The following PRKCE variants were observed in gnomAD, a reference collection of about 807,000 sequenced individuals.
PRKCE encodes the protein protein kinase C epsilon.
PRKCE carries 16 observed loss-of-function variants against 85.4 expected under a neutral mutation model. The ratio of observed to expected loss-of-function variants is 0.19; its 90% CI spans 0.13 to 0.28. The LOEUF (loss-of-function observed/expected upper bound fraction) is 0.28, where lower values mean the gene tolerates loss of function less well. Ranked by LOEUF, PRKCE falls within the 10% of genes least tolerant of loss-of-function variation. The pLI is 1.00. For missense variants in PRKCE, 573 were observed against 975.2 expected, an observed-to-expected ratio of 0.59 and a Z score of 5.49; for synonymous variants, 388 against 371.5, an observed-to-expected ratio of 1.04 and a Z score of -0.51.
At chr2:45,970,507 GC>G (rs1458856984) in intron 2 of PRKCE, among the ~76,000 whole-genome samples, 19 of 152,042 alleles carry the variant, frequency 1.2e-4, no homozygotes, top group African/African-American at 3.6e-4. Flanking sequence ...CATCCTGGAT[GC>G]TACATAAATG....
chr2:45,749,334 C>T (rs754377389), intron 1 of PRKCE, among the ~76,000 whole-genome samples: 3 of 152,136 alleles, frequency 2.0e-5, no homozygotes, highest in Non-Finnish European at 2.9e-5. Context: ...GTAGTGCAGC[C>T]CATAGCTGAG....
intron 2 of PRKCE, among the ~76,000 whole-genome samples, chr2:45,881,910 G>A (rs1431826574): frequency 1.3e-5 from 2 of 152,174 alleles, no homozygotes. Flanking sequence ...GACCCCTGGA[G>A]CATGTGGAGC....
intron 11 of PRKCE, among the ~76,000 whole-genome samples, chr2:46,089,584 C>T (rs1479318980): frequency 6.6e-6 from 1 of 152,198 alleles, no homozygotes; most frequent in Non-Finnish European, 1.5e-5. Flanking sequence ...GGGAACCAGA[C>T]CCCTTCACGC....
intron 1 of PRKCE, among the ~76,000 whole-genome samples, chr2:45,840,223 G>C (rs1691236423): frequency 6.6e-6 from 1 of 152,206 alleles, no homozygotes; most frequent in South Asian, 2.1e-4. Flanking sequence ...GGGTTTAATA[G>C]GGATGATCTA....
At chr2:45,783,297 T>C (rs1686340658) in intron 1 of PRKCE, among the ~76,000 whole-genome samples, 1 of 152,242 alleles carries the variant, frequency 6.6e-6, no homozygotes, top group African/African-American at 2.4e-5. Context: ...GCCGGTGCTC[T>C]GGGCATCATC....
At chr2:46,175,645 A>T (rs1415274789) in intron 14 of PRKCE, among the ~76,000 whole-genome samples, 1 of 152,256 alleles carries the variant, frequency 6.6e-6, no homozygotes, top group East Asian at 1.9e-4. Context: ...GCTGTAGAGC[A>T]TGAAGGCTAA....
intron 2 of PRKCE, among the ~76,000 whole-genome samples, chr2:45,943,549 T>C (rs1203515959): frequency 6.6e-6 from 1 of 152,260 alleles, no homozygotes; most frequent in East Asian, 1.9e-4. Flanking sequence ...AGACTCAAAA[T>C]GGTTGAGGTT....
chr2:45,930,160 G>A (rs1338780350), intron 2 of PRKCE, among the ~76,000 whole-genome samples: 2 of 152,252 alleles, frequency 1.3e-5, no homozygotes, highest in Non-Finnish European at 2.9e-5. Flanking sequence ...TGTTCTGTGC[G>A]ACACCCCACA....
At position 45,652,408 on chromosome 2, in the gene PRKCE, A is replaced by G; in HGVS notation, c.308A>G (p.Glu103Gly). 1 of 1,610,928 alleles carries G rather than the reference A, an allele frequency of 6.2e-7. No homozygotes were observed. Among genetic ancestry groups the G allele is most frequent in the Non-Finnish European group, 8.5e-7 (1 of 1,179,732 alleles). The change falls in exon 1 of 15, where the codon GAG (glutamate) becomes GGG (glycine). Residue 103 changes from glutamate (E) to glycine (G), a missense_variant. Around this residue, in one of 11 missense-constraint regions of PRKCE, gnomAD observed 100 missense variants for 177.1 expected, o/e 0.56. Transcript: ENST00000306156. This position sits in a 1 kb window ranked among gnomAD's most constrained non-coding sequence, Gnocchi z 7.7. ...DFVANCTIQF[E>G]ELLQNGSRHF... ...GTGGCCAACTGCACCATCCAGTTTGAGGAGCTGCTGCAGAACGGGAGCCGC... is the reference window on the plus strand; with the variant it reads ...GTGGCCAACTGCACCATCCAGTTTGGGGAGCTGCTGCAGAACGGGAGCCGC...
chr2:45,808,217 C>T (rs1688392417), intron 1 of PRKCE, among the ~76,000 whole-genome samples: 2 of 152,214 alleles, frequency 1.3e-5, no homozygotes, highest in South Asian at 4.1e-4. Context: ...TTCTTTGCTT[C>T]CCCTTTAACA....
At position 45,729,578 on chromosome 2, in the gene PRKCE, C is replaced by T. The variant is rs186603847; in HGVS notation, c.348+77130C>T. 1.8e-3 allele frequency among the ~76,000 whole-genome samples: 268 copies of T among 152,294 alleles called. 1 individual carries two copies. The highest frequency in any genetic ancestry group is 2.4e-3 in the Non-Finnish European group (162 of 68,024). ...CCCAGTGAGGCTGTGATCACTGACC[C>T]TTGGCTTCTGAAAATTTTTACACCG... On this transcript the variant is annotated intron_variant, in intron 1 of 14. Transcript: ENST00000306156.
chr2:45,668,635 T>G (rs980372096), intron 1 of PRKCE, among the ~76,000 whole-genome samples: 7 of 152,118 alleles, frequency 4.6e-5, no homozygotes, highest in African/African-American at 1.7e-4. Context: ...AAGTACTACA[T>G]TCACAGTTTG....
chr2:46,055,859 T>C (rs1333227559), intron 10 of PRKCE, among the ~76,000 whole-genome samples: 1 of 152,176 alleles, frequency 6.6e-6, no homozygotes, highest in Non-Finnish European at 1.5e-5. Flanking sequence ...GATGGGGTTT[T>C]GCCATGTTGC....
chr2:45,713,263 G>A (rs903320490), intron 1 of PRKCE, among the ~76,000 whole-genome samples: 1 of 152,202 alleles, frequency 6.6e-6, no homozygotes, highest in Non-Finnish European at 1.5e-5. Context: ...CTTGGACTCC[G>A]CAGCTGATCA....
chr2:45,919,474 T>A lies in PRKCE; in HGVS notation c.413-56955T>A, dbSNP rs140960914. Among the ~76,000 whole-genome samples the A allele has an allele frequency of 1.9e-3, 297 of 152,382 alleles. 2 individuals are homozygous for A. The highest frequency in any genetic ancestry group is 6.8e-3 in the African/African-American group (282 of 41,594). ...TGCTGCCTTTCCACTGAAGTGTGTT[T>A]ATGCCTTGTCTTGGGGTTGAATTTG... On this transcript the variant is annotated intron_variant, in intron 2 of 14. Coordinates refer to ENST00000306156, the MANE Select transcript of PRKCE (RefSeq NM_005400.3).
chr2:45,708,337 A>AT (rs1679299653), intron 1 of PRKCE, among the ~76,000 whole-genome samples: 1 of 152,178 alleles, frequency 6.6e-6, no homozygotes, highest in South Asian at 2.1e-4. Flanking sequence ...TGACCAGGTG[A>AT]TATGGCTTGG....
At chr2:45,702,400 C>G (rs781378367) in intron 1 of PRKCE, among the ~76,000 whole-genome samples, 2 of 152,174 alleles carry the variant, frequency 1.3e-5, no homozygotes, top group Non-Finnish European at 2.9e-5. Flanking sequence ...TGCCTACCCA[C>G]TACAATCAGT....
In PRKCE at chr2:45,994,858, C is replaced by T. The variant is rs1201199057; in HGVS notation, c.824-6546C>T. 2.0e-5 allele frequency among the ~76,000 whole-genome samples: 3 copies of T among 152,158 alleles called. No individual in the cohort carries two copies. The East Asian group carries it at 5.8e-4, about 29-fold the overall frequency. On this transcript the variant is annotated intron_variant, in intron 6 of 14. Coordinates refer to ENST00000306156, the MANE Select transcript of PRKCE (RefSeq NM_005400.3). The stretch of plus-strand genomic sequence containing the variant: ...GTATATTTAGTTTTGTAAGAAACTG[C>T]CAAACTGTCTCTCAAAGTGGCTGGA...
At chr2:45,976,936 G>C (rs1427557530) in intron 3 of PRKCE, among the ~76,000 whole-genome samples, 1 of 149,726 alleles carries the variant, frequency 6.7e-6, no homozygotes, top group Non-Finnish European at 1.5e-5. Flanking sequence ...TAGCTCTGTT[G>C]CCCAGGCTGG....
Sources: gnomAD v4.1 joint callset for allele counts (sites outside exome capture counted in the v4.1 genomes callset) on GRCh38, gnomAD v4.1.1 for gene constraint, gnomAD v4.1.1 regional missense constraint, Gnocchi (gnomAD v3.1) non-coding constraint, MANE v1.5 for transcripts, NCBI Gene and HGNC (gene_info 2026-07-23, HGNC 2026-07-21) for gene names.